SMYD3: variants seen among roughly 807,000 people sequenced by gnomAD.
The protein encoded by SMYD3 is histone-lysine N-methyltransferase SMYD3.
SMYD3 carries 36 observed loss-of-function variants against 57.7 expected under a neutral mutation model. The observed-to-expected ratio is 0.62, with a 90% CI of 0.48 to 0.82. The LOEUF (loss-of-function observed/expected upper bound fraction) is 0.82, where lower values mean the gene tolerates loss of function less well. SMYD3 is among the 40% of genes least tolerant of loss of function. The pLI is 0.00. For synonymous variants in SMYD3, 211 were observed against 195.0 expected, an observed-to-expected ratio of 1.08 and a Z score of -0.68; for missense variants, 515 against 538.8, an observed-to-expected ratio of 0.96 and a Z score of 0.44.
intron 5 of SMYD3, among the ~76,000 whole-genome samples, chr1:246,039,939 G>A (rs2059839356): frequency 6.6e-6 from 1 of 152,308 alleles, no homozygotes; most frequent in South Asian, 2.1e-4. Flanking sequence ...CTTATTTCAA[G>A]TACTAGAAAA....
At chr1:246,448,967 C>T (rs1202864476) in intron 1 of SMYD3, among the ~76,000 whole-genome samples, 1 of 152,154 alleles carries the variant, frequency 6.6e-6, no homozygotes, top group Admixed American at 6.5e-5. Flanking sequence ...GTGGCTCACA[C>T]TTGTAATCCC....
intron 8 of SMYD3, among the ~76,000 whole-genome samples, chr1:245,890,095 A>G (rs1053099401): frequency 6.6e-6 from 1 of 152,060 alleles, no homozygotes; most frequent in Non-Finnish European, 1.5e-5. Flanking sequence ...TGGATTAACG[A>G]CTTAAATTTA....
At chr1:246,400,220 G>C (rs2066745442) in intron 1 of SMYD3, among the ~76,000 whole-genome samples, 1 of 152,204 alleles carries the variant, frequency 6.6e-6, no homozygotes, top group African/African-American at 2.4e-5. Flanking sequence ...CCCACATACT[G>C]TGATAGGCAG....
At chr1:245,931,261 G>A (rs1384514046) in intron 5 of SMYD3, among the ~76,000 whole-genome samples, 1 of 152,174 alleles carries the variant, frequency 6.6e-6, no homozygotes, top group African/African-American at 2.4e-5. Context: ...GGAGAAAATG[G>A]TTAGGAAGTC....
chr1:245,906,015 T>TCTAAGAC, intron 8 of SMYD3, among the ~76,000 whole-genome samples: 1 of 152,310 alleles, frequency 6.6e-6, no homozygotes, highest in Non-Finnish European at 1.5e-5. Flanking sequence ...AAGACTTAAA[T>TCTAAGAC]CTAAGACCTC....
intron 10 of SMYD3, chr1:245,814,483 T>G (rs1382175552): frequency 1.3e-6 from 1 of 775,584 alleles, no homozygotes; most frequent in African/African-American, 1.9e-5. Flanking sequence ...ATAAAAAGAA[T>G]GCTACTGTTA....
chr1:246,219,638 G>A (rs2063219362), intron 5 of SMYD3, among the ~76,000 whole-genome samples: 1 of 152,180 alleles, frequency 6.6e-6, no homozygotes, highest in Non-Finnish European at 1.5e-5. Flanking sequence ...AAAAGGCAGA[G>A]GGCCCATTGA....
At chr1:246,233,292 G>T (rs376890043) in intron 5 of SMYD3, among the ~76,000 whole-genome samples, 1 of 116,418 alleles carries the variant, frequency 8.6e-6, no homozygotes, top group Admixed American at 9.4e-5. Flanking sequence ...CAGAGGAGAA[G>T]CGCTCCTCAA....
At chr1:245,820,470 C>T (rs2049100347) in intron 10 of SMYD3, among the ~76,000 whole-genome samples, 1 of 146,592 alleles carries the variant, frequency 6.8e-6, no homozygotes, top group African/African-American at 2.5e-5. Flanking sequence ...GAAGCATTCC[C>T]TTTGAAAACT....
intron 5 of SMYD3, among the ~76,000 whole-genome samples, chr1:246,227,118 T>C (rs1572241015): frequency 6.6e-6 from 1 of 152,342 alleles, no homozygotes; most frequent in Non-Finnish European, 1.5e-5. Flanking sequence ...ACGTCCCATA[T>C]ACTTTGTAGT....
chr1:245,962,072 T>G (rs1544150), intron 5 of SMYD3, among the ~76,000 whole-genome samples: 2 of 151,902 alleles, frequency 1.3e-5, no homozygotes, highest in African/African-American at 4.8e-5. Context: ...TCATACCACA[T>G]GACACAGCCT....
intron 5 of SMYD3, among the ~76,000 whole-genome samples, chr1:246,290,882 G>C (rs1489096408): frequency 6.6e-6 from 1 of 152,026 alleles, no homozygotes; most frequent in African/African-American, 2.4e-5. Context: ...CAAAGCAGCA[G>C]AAAGAAATAT....
chr1:246,271,152 A>T (rs1289567533), intron 5 of SMYD3, among the ~76,000 whole-genome samples: 1 of 152,046 alleles, frequency 6.6e-6, no homozygotes, highest in East Asian at 1.9e-4. Flanking sequence ...TTTTAAAATC[A>T]TGTTGCTTTT....
intron 10 of SMYD3, among the ~76,000 whole-genome samples, chr1:245,842,381 C>T (rs9728234): frequency 0.98 from 148,791 of 152,238 alleles, 72,804 homozygotes; most frequent in East Asian, 1. Flanking sequence ...TTTCGGCCAA[C>T]TGACCTGAAG....
At chr1:246,237,401 T>C (rs564409414) in intron 5 of SMYD3, among the ~76,000 whole-genome samples, 3 of 152,310 alleles carry the variant, frequency 2.0e-5, no homozygotes, top group East Asian at 3.9e-4. Context: ...CACATACTTA[T>C]GGTTGTTGTT....
chr1:245,803,410 CTGG>C (rs1297553953), intron 10 of SMYD3, among the ~76,000 whole-genome samples: 22 of 145,304 alleles, frequency 1.5e-4, no homozygotes, highest in African/African-American at 6.3e-4. Flanking sequence ...ACCATATGAA[CTGG>C]CCAATTTCAC....
intron 5 of SMYD3, among the ~76,000 whole-genome samples, chr1:245,983,233 G>A (rs2058637695): frequency 6.6e-6 from 1 of 152,154 alleles, no homozygotes; most frequent in African/African-American, 2.4e-5. Context: ...CATGGGGGTT[G>A]TGTTCCCATA....
chr1:246,148,886 C>A (rs946154735), intron 5 of SMYD3, among the ~76,000 whole-genome samples: 8 of 152,230 alleles, frequency 5.3e-5, no homozygotes, highest in Non-Finnish European at 7.3e-5. Flanking sequence ...AGAGTTACTG[C>A]AGCACTTAAT....
At chr1:246,365,260 A>G (rs1264787949) in intron 1 of SMYD3, among the ~76,000 whole-genome samples, 1 of 151,966 alleles carries the variant, frequency 6.6e-6, no homozygotes, top group Non-Finnish European at 1.5e-5. Flanking sequence ...AAGATAAAGA[A>G]TAAGTAGATA....
Sources: gnomAD v4.1 joint callset for allele counts (sites outside exome capture counted in the v4.1 genomes callset) on GRCh38, gnomAD v4.1.1 for gene constraint, MANE v1.5 for transcripts, NCBI Gene and HGNC (gene_info 2026-07-23, HGNC 2026-07-21) for gene names.